The following PARD3B variants were observed in gnomAD, a reference collection of about 807,000 sequenced individuals.
PARD3B encodes the protein par-3 family cell polarity regulator beta, also known as partitioning defective 3 homolog B.
Under a neutral mutation model 130.2 loss-of-function variants are expected in PARD3B, and 103 were observed. That is an observed-to-expected ratio of 0.79 (90% CI 0.67 to 0.93). The LOEUF is 0.93. Ranked by LOEUF, PARD3B falls within the 40% of genes least tolerant of loss-of-function variation. The pLI, the probability that PARD3B is intolerant of heterozygous loss-of-function variation, is 0.00. For missense variants in PARD3B, 1,609 were observed against 1,499.2 expected (o/e 1.07, Z -1.21); for synonymous variants, 583 against 553.2 (o/e 1.05, Z -0.76).
intron 2 of PARD3B, among the ~76,000 whole-genome samples, chr2:204,753,575 A>G (rs1338066127): frequency 1.3e-5 from 2 of 152,126 alleles, no homozygotes; most frequent in East Asian, 1.9e-4. Context: ...CCCATGGCCT[A>G]GTTCCAGCTG....
intron 1 of PARD3B, among the ~76,000 whole-genome samples, chr2:204,550,262 T>C (rs993609577): frequency 1.3e-5 from 2 of 152,254 alleles, no homozygotes; most frequent in Non-Finnish European, 2.9e-5. Flanking sequence ...GTAAAAGCTA[T>C]TTAAACAGTT....
chr2:204,715,478 G>C (rs1346338427), intron 2 of PARD3B, among the ~76,000 whole-genome samples: 1 of 145,456 alleles, frequency 6.9e-6, no homozygotes, highest in African/African-American at 2.6e-5. Context: ...AGCAGATGCT[G>C]TTTTTCTTTT....
At chr2:204,861,751 T>A (rs1176392396) in intron 2 of PARD3B, among the ~76,000 whole-genome samples, 3 of 151,762 alleles carry the variant, frequency 2.0e-5, no homozygotes, top group Non-Finnish European at 4.4e-5. Flanking sequence ...TGACTGGAAT[T>A]AGAGGGCTGC....
In PARD3B at chr2:205,276,151, A is replaced by G. The variant is rs994393114; in HGVS notation, c.2186-24379A>G. Among the ~76,000 whole-genome samples, 1 of 152,192 alleles carries G rather than the reference A, an allele frequency of 6.6e-6. No individual in the cohort carries two copies. On this transcript the variant is annotated intron_variant, in intron 16 of 22. Coordinates refer to ENST00000406610, the MANE Select transcript of PARD3B (RefSeq NM_001302769.2). This position sits in a 1 kb window ranked among gnomAD's most constrained non-coding sequence, Gnocchi z 5.0. Reference sequence around the variant, plus strand: ...GTACACAGTGAATTAAATATGGCATACATTAGCCGCTGATACAGGAAGACA... The same window carrying G: ...GTACACAGTGAATTAAATATGGCATGCATTAGCCGCTGATACAGGAAGACA...
At chr2:204,682,529 T>C (rs2036883653) in intron 1 of PARD3B, among the ~76,000 whole-genome samples, 1 of 152,200 alleles carries the variant, frequency 6.6e-6, no homozygotes, top group African/African-American at 2.4e-5. Context: ...CCGTTTTGTT[T>C]TTACCTTCCA....
chr2:205,369,715 A>C (rs1286679726), intron 18 of PARD3B, among the ~76,000 whole-genome samples: 1 of 152,072 alleles, frequency 6.6e-6, no homozygotes, highest in African/African-American at 2.4e-5. Flanking sequence ...CATTACAGAT[A>C]ATCACAGTGT....
chr2:204,914,287 G>A (rs891518313), intron 2 of PARD3B, among the ~76,000 whole-genome samples: 3 of 152,068 alleles, frequency 2.0e-5, no homozygotes, highest in Non-Finnish European at 4.4e-5. Context: ...CAATGTGTCT[G>A]CAAGCCTAAT....
chr2:205,092,049 TAC>T (rs1702144448), intron 4 of PARD3B, among the ~76,000 whole-genome samples: 1 of 152,272 alleles, frequency 6.6e-6, no homozygotes, highest in East Asian at 1.9e-4. Flanking sequence ...TGCTTTTGAT[TAC>T]AGAGTTCCTA....
chr2:205,194,151 T>C (rs1467265147), intron 15 of PARD3B, among the ~76,000 whole-genome samples: 12 of 152,196 alleles, frequency 7.9e-5, no homozygotes, highest in Non-Finnish European at 7.3e-5. Context: ...TTTGCAATTG[T>C]TTTTTCTCAA....
At chr2:205,036,957 CAT>C (rs1334208056) in intron 3 of PARD3B, among the ~76,000 whole-genome samples, 2 of 146,444 alleles carry the variant, frequency 1.4e-5, no homozygotes, top group Admixed American at 6.8e-5. Flanking sequence ...ATATAAAGAA[CAT>C]ATATAGCGGA....
intron 1 of PARD3B, among the ~76,000 whole-genome samples, chr2:204,587,445 T>C (rs1056553467): frequency 1.3e-5 from 2 of 152,228 alleles, no homozygotes; most frequent in African/African-American, 4.8e-5. Context: ...GAATTGTTGG[T>C]AGTCACTTTC....
At chr2:205,383,580 G>A (rs1332689492) in intron 18 of PARD3B, among the ~76,000 whole-genome samples, 2 of 151,844 alleles carry the variant, frequency 1.3e-5, no homozygotes, top group Non-Finnish European at 2.9e-5. Flanking sequence ...TATCTGTTTG[G>A]GTTCCCTCCA....
chr2:204,996,903 C>G (rs992370236), intron 3 of PARD3B, among the ~76,000 whole-genome samples: 1 of 151,384 alleles, frequency 6.6e-6, no homozygotes, highest in Non-Finnish European at 1.5e-5. Flanking sequence ...ACCCCTTGCG[C>G]TTCCCAGGTG....
chr2:204,683,632 T>C (rs749486243), intron 1 of PARD3B, among the ~76,000 whole-genome samples: 12 of 152,162 alleles, frequency 7.9e-5, no homozygotes, highest in Non-Finnish European at 1.6e-4. Flanking sequence ...TTGCCCCCTC[T>C]CAGATGTGTA....
chr2:205,089,131 C>CTT (rs544161664), intron 4 of PARD3B, among the ~76,000 whole-genome samples: 2 of 140,230 alleles, frequency 1.4e-5, no homozygotes, highest in African/African-American at 5.2e-5. Context: ...TGGGCACTCT[C>CTT]TTTTTTTTTT....
intron 2 of PARD3B, among the ~76,000 whole-genome samples, chr2:204,839,038 AG>A (rs1320178039): frequency 6.6e-6 from 1 of 152,180 alleles, no homozygotes; most frequent in Non-Finnish European, 1.5e-5. Flanking sequence ...AAAGTAAGCT[AG>A]ATGTTGATTT....
intron 6 of PARD3B, among the ~76,000 whole-genome samples, chr2:205,117,626 G>A (rs1451386840): frequency 6.6e-6 from 1 of 152,200 alleles, no homozygotes; most frequent in Non-Finnish European, 1.5e-5. Context: ...GAAATTTAAT[G>A]TGAAGGTATT....
Position 205,229,543 on chromosome 2 carries a change from C to T in PARD3B, c.2141-16235C>T, listed in dbSNP as rs765949250. Among the ~76,000 whole-genome samples, 6 of 152,154 alleles carry T rather than the reference C, an allele frequency of 3.9e-5. No homozygotes were observed. The highest frequency in any genetic ancestry group is 5.9e-5 in the Non-Finnish European group (4 of 68,034). ...CTCTGTGTGCTGAGCCACCTAGAAC[C>T]GGTGTAGGGCTGACACAAGCACCCT... On this transcript the variant is annotated intron_variant, in intron 15 of 22. Coordinates refer to ENST00000406610, the MANE Select transcript of PARD3B (RefSeq NM_001302769.2). The surrounding 1 kb of genome is among the most constrained non-coding windows in gnomAD (Gnocchi z 5.2).
intron 22 of PARD3B, among the ~76,000 whole-genome samples, chr2:205,607,848 A>C (rs1057455395): frequency 2.0e-5 from 3 of 151,008 alleles, no homozygotes; most frequent in African/African-American, 7.3e-5. Context: ...ACACACACAC[A>C]CACACACACA....
Sources: gnomAD v4.1 joint callset for allele counts (sites outside exome capture counted in the v4.1 genomes callset) on GRCh38, gnomAD v4.1.1 for gene constraint, Gnocchi (gnomAD v3.1) non-coding constraint, MANE v1.5 for transcripts, NCBI Gene and HGNC (gene_info 2026-07-23, HGNC 2026-07-21) for gene names.